SYNE1: variants seen among roughly 807,000 people sequenced by gnomAD.
SYNE1 encodes nesprin-1.
A neutral mutation model predicts 1,111.0 loss-of-function variants in SYNE1; 616 were observed. The observed-to-expected ratio is 0.55, with a 90% confidence interval of 0.52 to 0.59. SYNE1 has a LOEUF of 0.59. SYNE1 is among the 20% of genes least tolerant of loss of function. The pLI is 0.00. For missense variants in SYNE1, 10,006 were observed against 10,417.0 expected, an observed-to-expected ratio of 0.96 and a Z score of 1.72; for synonymous variants, 3,855 against 3,825.8, an observed-to-expected ratio of 1.01 and a Z score of -0.28.
intron 78 of SYNE1, among the ~76,000 whole-genome samples, chr6:152,327,837 G>T (rs181515372): frequency 2.1e-4 from 32 of 152,232 alleles, no homozygotes; most frequent in Non-Finnish European, 4.0e-4. Flanking sequence ...CTACATTCTA[G>T]ATTCTATATC....
rs772330955 is a variant in SYNE1 at position 152,122,401 on chromosome 6, G to A, written c.*35C>T. The A allele has an allele frequency of 1.2e-6, 2 of 1,613,852 alleles. No homozygotes were observed. Among genetic ancestry groups the A allele is most frequent in the East Asian group, 4.5e-5 (2 of 44,890 alleles). On this transcript the variant is annotated 3_prime_UTR_variant, in exon 146 of 146. Transcript: ENST00000367255. ...TTGCTTATGACCCGATCCTCCTTATGCTACCAGCACTTCTGCAGATGGCAT... is the reference window on the plus strand; with the variant it reads ...TTGCTTATGACCCGATCCTCCTTATACTACCAGCACTTCTGCAGATGGCAT...
At position 152,211,476 on chromosome 6, in the gene SYNE1, A is replaced by G. The variant is rs200821668; in HGVS notation, c.22589+18T>C. ...TTTACTGGAACCTTTCTTTGTAATA[A>G]TTTATCAAAGATCCTACCTGTCATC... is the stretch of plus-strand genomic sequence containing the variant. On this transcript the variant is annotated intron_variant, in intron 124 of 145. Transcript: ENST00000367255. 107 of 1,598,568 alleles carry G rather than the reference A, an allele frequency of 6.7e-5. No individual in the cohort carries two copies. Among genetic ancestry groups the G allele is most frequent in the Non-Finnish European group, 8.8e-5 (103 of 1,166,166 alleles).
intron 121 of SYNE1, 96 bp from the exon 122 acceptor site, chr6:152,215,156 T>G: frequency 7.0e-7 from 1 of 1,420,968 alleles, no homozygotes; most frequent in Non-Finnish European, 9.8e-7. Flanking sequence ...AGGAAGTAGC[T>G]GGTCTTCGGT....
At chr6:152,213,367 G>A (rs1007145488) in intron 123 of SYNE1, among the ~76,000 whole-genome samples, 2 of 152,024 alleles carry the variant, frequency 1.3e-5, no homozygotes, top group Non-Finnish European at 2.9e-5. Context: ...CACAATTCTG[G>A]CATTATACTT....
chr6:152,567,327 TTC>T (rs34058995), intron 3 of SYNE1, among the ~76,000 whole-genome samples: 16,833 of 152,198 alleles, frequency 0.11, 1,394 homozygotes, highest in East Asian at 0.45. Context: ...ATTTTAATCA[TTC>T]TGTTAATAAC....
At position 152,214,932 on chromosome 6, in the gene SYNE1, G is replaced by C; in HGVS notation, c.22320C>G (p.Ile7440Met). 1 of 1,614,124 alleles carries C rather than the reference G, an allele frequency of 6.2e-7. No individual in the cohort carries two copies. Among genetic ancestry groups the C allele is most frequent in the Non-Finnish European group, 8.5e-7 (1 of 1,179,998 alleles). Residue 7440 changes from isoleucine (I) to methionine (M), a missense_variant, in exon 122 of 146, where the codon ATC becomes ATG. Around this residue, in one of 7 missense-constraint regions of SYNE1, gnomAD observed 2,182 missense variants for 2,287.8 expected, o/e 0.95. Coordinates refer to ENST00000367255, the MANE Select transcript of SYNE1 (RefSeq NM_182961.4). ...MQNLNRHWSLISSQTTERFSK... is the reference protein window; with the variant it reads ...MQNLNRHWSLMSSQTTERFSK... ...TGAATCTTTCTGTAGTCTGAGAGGAGATCAGAGACCAATGGCGGTTCAGAT... is the reference window on the plus strand; with the variant it reads ...TGAATCTTTCTGTAGTCTGAGAGGACATCAGAGACCAATGGCGGTTCAGAT...
chr6:152,330,282 C>G lies in SYNE1; in HGVS notation c.14403G>C (p.Gln4801His). The G allele has an allele frequency of 6.2e-7, 1 of 1,614,178 alleles. No individual in the cohort carries two copies. The highest frequency in any genetic ancestry group is 8.5e-7 in the Non-Finnish European group (1 of 1,180,028). Reference sequence around the variant, plus strand: ...GCAGCGTTTCCTCATTCACTTTGGACTGCTCCTCTTTTACAGACTTCAGTT... The same window carrying G: ...GCAGCGTTTCCTCATTCACTTTGGAGTGCTCCTCTTTTACAGACTTCAGTT... ...ERQLKSVKEE[Q>H]SKVNEETLPA... The change falls in exon 78 of 146, where the codon CAG (glutamine) becomes CAC (histidine). Residue 4801 changes from glutamine (Q) to histidine (H), a missense_variant. Gln to His is a conservative substitution (Grantham distance 24, BLOSUM62 0). Transcript: ENST00000367255.
intron 131 of SYNE1, among the ~76,000 whole-genome samples, chr6:152,156,571 C>T (rs1307181362): frequency 6.6e-6 from 1 of 152,184 alleles, no homozygotes; most frequent in Non-Finnish European, 1.5e-5. Flanking sequence ...CTTCCATACA[C>T]TTTAAATCAT....
chr6:152,483,519 A>G (rs1028167130), intron 13 of SYNE1, among the ~76,000 whole-genome samples: 4 of 152,158 alleles, frequency 2.6e-5, no homozygotes, highest in Non-Finnish European at 5.9e-5. Context: ...TTTTCCTCTT[A>G]CAGGAGTAGC....
intron 100 of SYNE1, 142 bp downstream of exon 100, chr6:152,267,914 T>C: frequency 1.3e-6 from 1 of 748,750 alleles, no homozygotes; most frequent in East Asian, 2.7e-5. Context: ...AAAATGCAGG[T>C]ACATTTACTA....
chr6:152,552,249 C>T (rs17082796), intron 3 of SYNE1, among the ~76,000 whole-genome samples: 15,066 of 152,094 alleles, frequency 0.099, 1,586 homozygotes, highest in African/African-American at 0.27. Context: ...TCAGAGAGTG[C>T]TTTCAAAGTT....
At chr6:152,540,727 C>T (rs1020728014) in intron 3 of SYNE1, among the ~76,000 whole-genome samples, 1 of 152,220 alleles carries the variant, frequency 6.6e-6, no homozygotes, top group African/African-American at 2.4e-5. Context: ...CTCCTGCTGG[C>T]CTAGAAGAAG....
chr6:152,441,916 G>A (rs1286606440), intron 31 of SYNE1, among the ~76,000 whole-genome samples, 159 bp downstream of exon 31: 1 of 152,180 alleles, frequency 6.6e-6, no homozygotes, highest in African/African-American at 2.4e-5. Flanking sequence ...CCATCTCTAA[G>A]GCTGATGTGA....
chr6:152,175,205 A>G (rs2066128469), intron 130 of SYNE1, among the ~76,000 whole-genome samples: 1 of 152,194 alleles, frequency 6.6e-6, no homozygotes, highest in Non-Finnish European at 1.5e-5. Flanking sequence ...ATAAATAAAT[A>G]AATATAAATA....
chr6:152,153,317 T>C (rs2060778378), intron 133 of SYNE1, among the ~76,000 whole-genome samples: 2 of 152,158 alleles, frequency 1.3e-5, no homozygotes, highest in African/African-American at 4.8e-5. Flanking sequence ...TGGGGTAAGG[T>C]TGGAGTACCC....
At chr6:152,585,875 T>C (rs898345441) in intron 3 of SYNE1, among the ~76,000 whole-genome samples, 1 of 152,156 alleles carries the variant, frequency 6.6e-6, no homozygotes, top group Non-Finnish European at 1.5e-5. Context: ...ATTTAAACCT[T>C]TGGTCTGCTT....
chr6:152,597,402 T>A (rs1361177779), intron 3 of SYNE1, among the ~76,000 whole-genome samples: 1 of 152,146 alleles, frequency 6.6e-6, no homozygotes, highest in Non-Finnish European at 1.5e-5. Flanking sequence ...CACCTCAGCC[T>A]CCTGAGTAGC....
chr6:152,299,315 A>G (rs2095049391), intron 93 of SYNE1, among the ~76,000 whole-genome samples: 1 of 152,222 alleles, frequency 6.6e-6, no homozygotes, highest in Non-Finnish European at 1.5e-5. Flanking sequence ...ATCTGTAACC[A>G]TAGGGAAGGA....
At chr6:152,544,600 T>G (rs2099297708) in intron 3 of SYNE1, among the ~76,000 whole-genome samples, 2 of 152,206 alleles carry the variant, frequency 1.3e-5, no homozygotes, top group African/African-American at 4.8e-5. Context: ...TTTGCCCATT[T>G]TTAGATATTT....
Sources: allele counts gnomAD v4.1 joint callset (sites outside exome capture counted in the v4.1 genomes callset), GRCh38; gene constraint gnomAD v4.1.1; regional missense constraint gnomAD v4.1.1; transcripts MANE v1.5; gene names NCBI Gene and HGNC (gene_info 2026-07-23, HGNC 2026-07-21).